Variants in MCM10 observed in about 807,000 individuals in gnomAD.
The protein encoded by MCM10 is minichromosome maintenance 10 replication initiation factor, also known as protein MCM10 homolog.
In MCM10, 91 loss-of-function variants were observed where a neutral mutation model predicts 109.9. That is an observed-to-expected ratio of 0.83 (90% CI 0.70 to 0.99). The LOEUF is 0.99. MCM10 is among the 50% of genes least tolerant of loss of function. MCM10 has a pLI of 0.00. For missense variants in MCM10, 1,077 were observed against 1,061.2 expected (o/e 1.01, Z -0.21); for synonymous variants, 380 against 387.2 (o/e 0.98, Z 0.22).
chr10:13,199,354 T>C (rs1010103231), intron 16 of MCM10, among the ~76,000 whole-genome samples: 4 of 152,256 alleles, frequency 2.6e-5, no homozygotes, highest in Non-Finnish European at 5.9e-5. Flanking sequence ...TAAATAGATA[T>C]CAATATTATA....
intron 6 of MCM10, among the ~76,000 whole-genome samples, chr10:13,176,093 C>A (rs1220588217): frequency 2.6e-5 from 4 of 152,060 alleles, no homozygotes; most frequent in African/African-American, 9.7e-5. Context: ...ATTGCTTTGG[C>A]TCTTCTGGGT....
intron 15 of MCM10, 121 bp downstream of exon 15, chr10:13,197,888 C>A: frequency 1.0e-6 from 1 of 963,046 alleles, no homozygotes; most frequent in Non-Finnish European, 1.5e-6. Flanking sequence ...ATATAGAATA[C>A]CTAAATAGAA....
In MCM10 at chr10:13,191,386, A is replaced by G. The variant is rs763295038; in HGVS notation, c.1503A>G (p.Thr501=). The G allele has an allele frequency of 6.2e-7, 1 of 1,613,956 alleles. No individual in the cohort carries two copies. Among genetic ancestry groups the G allele is most frequent in the Non-Finnish European group, 8.5e-7 (1 of 1,179,844 alleles). The change falls in exon 11 of 20, where the codon ACA becomes ACG. Residue 501 remains threonine, a synonymous_variant. Transcript: ENST00000378714. Reference sequence around the variant, plus strand: ...GCACAAACTTGATCATCCAGGAAACACGGCAAAAACTCGGTAACTTTGTTT... The same window carrying G: ...GCACAAACTTGATCATCCAGGAAACGCGGCAAAAACTCGGTAACTTTGTTT... ...VKGTNLIIQE[T]RQKLGIPQKS... is the part of the protein sequence containing the mutation.
At chr10:13,203,313 A>G (rs1193354094) in intron 17 of MCM10, among the ~76,000 whole-genome samples, 1 of 152,076 alleles carries the variant, frequency 6.6e-6, no homozygotes, top group Non-Finnish European at 1.5e-5. Context: ...TCCTCCATGC[A>G]GCCAGCGGCA....
chr10:13,170,915 C>A lies in MCM10; in HGVS notation c.8-7C>A, dbSNP rs116353713. On this transcript the variant is annotated splice_region_variant and splice_polypyrimidine_tract_variant and intron_variant, in intron 2 of 19. Transcript: ENST00000378714. The stretch of plus-strand genomic sequence containing the variant: ...TATTCTCTGTCCTTTCTCTTCTTTT[C>A]CCCTAGAGGAGGAAGACAATCTGTC... 14,015 of 1,608,108 alleles carry A rather than the reference C, an allele frequency of 8.7e-3. 303 individuals are homozygous for A. The highest frequency in any genetic ancestry group is 0.054 in the African/African-American group (4,019 of 74,784).
chr10:13,195,087 T>C lies in MCM10; in HGVS notation c.1792T>C (p.Ser598Pro). 1 of 1,614,162 alleles carries C rather than the reference T, an allele frequency of 6.2e-7. No individual in the cohort carries two copies. Among genetic ancestry groups the C allele is most frequent in the Non-Finnish European group, 8.5e-7 (1 of 1,180,020 alleles). Residue 598 changes from serine (S) to proline (P), a missense_variant, in exon 14 of 20, where the codon TCA becomes CCA. By Grantham distance (74) the Ser-to-Pro change is moderately conservative (BLOSUM62 -1). Transcript: ENST00000378714. The part of the protein sequence containing the change: ...SEVESPAVPS[S>P]SRQPPAQPPR... Reference sequence around the variant, plus strand: ...AGTTGAGAGCCCAGCTGTGCCATCTTCATCAAGACAGCCCCCTGCTCAGCC... The same window carrying C: ...AGTTGAGAGCCCAGCTGTGCCATCTCCATCAAGACAGCCCCCTGCTCAGCC...
Position 13,164,116 on chromosome 10 carries a change from G to T in MCM10, c.-75-12G>T. 1 of 1,168,532 alleles carries T rather than the reference G, an allele frequency of 8.6e-7. No individual in the cohort carries two copies. The allele number at this position is 1,168,532 out of a possible 1,614,324, so 72.4% of individuals were successfully genotyped here. A position where few individuals can be genotyped will look rare whatever the true frequency, so the allele number is the denominator to read the frequency against. On this transcript the variant is annotated splice_polypyrimidine_tract_variant and intron_variant, in intron 1 of 19. Coordinates refer to ENST00000378714, the MANE Select transcript of MCM10 (RefSeq NM_018518.5). Reference sequence around the variant, plus strand: ...AATTGAAAGTGACATTTCTAATATTGCTTTCACACAGCCAAGATTCTACAT... The same window carrying T: ...AATTGAAAGTGACATTTCTAATATTTCTTTCACACAGCCAAGATTCTACAT...
intron 17 of MCM10, among the ~76,000 whole-genome samples, chr10:13,202,094 C>T (rs1210230639): frequency 2.0e-5 from 3 of 152,214 alleles, no homozygotes; most frequent in Non-Finnish European, 2.9e-5. Flanking sequence ...TGTGATGGCT[C>T]ATGCCTGGAA....
At chr10:13,203,686 C>T (rs77944484) in intron 17 of MCM10, among the ~76,000 whole-genome samples, 3,178 of 152,270 alleles carry the variant, frequency 0.021, 60 homozygotes, top group South Asian at 0.081. Flanking sequence ...TCATTCTCCT[C>T]GGTCCTTCTG....
chr10:13,166,756 C>T (rs11594303), intron 2 of MCM10, among the ~76,000 whole-genome samples: 5,702 of 148,342 alleles, frequency 0.038, 147 homozygotes, highest in Non-Finnish European at 0.059. Context: ...GTGAAGTGGT[C>T]AGAGCCTGGG....
intron 2 of MCM10, among the ~76,000 whole-genome samples, chr10:13,165,876 A>G (rs1833990236): frequency 2.6e-5 from 1 of 38,040 alleles, no homozygotes; most frequent in South Asian, 9.2e-4. Flanking sequence ...ACTCCATCTG[A>G]AAAAAAAAAA....
chr10:13,174,946 T>G (rs1191051694), intron 5 of MCM10, among the ~76,000 whole-genome samples: 4 of 151,892 alleles, frequency 2.6e-5, no homozygotes, highest in African/African-American at 9.7e-5. Context: ...CTGACCAACA[T>G]GGAGAAACCC....
chr10:13,195,134 C>G lies in MCM10; in HGVS notation c.1839C>G (p.Phe613Leu), dbSNP rs1317676596. The change falls in exon 14 of 20, where the codon TTC becomes TTG. Residue 613 changes from phenylalanine (F) to leucine (L), a missense_variant. Physicochemically the swap from Phe to Leu is conservative, Grantham distance 22 (BLOSUM62 0). Coordinates refer to ENST00000378714, the MANE Select transcript of MCM10 (RefSeq NM_018518.5). ...PAQPPRTGSEFPRLEGAPATM... is the reference protein window; with the variant it reads ...PAQPPRTGSELPRLEGAPATM... Reference sequence around the variant, plus strand: ...AGCCTCCACGGACAGGATCCGAGTTCCCCAGGCTGGAGGGAGCCCCGGCCA... The same window carrying G: ...AGCCTCCACGGACAGGATCCGAGTTGCCCAGGCTGGAGGGAGCCCCGGCCA... 1 of 1,614,118 alleles carries G rather than the reference C, an allele frequency of 6.2e-7. No individual in the cohort carries two copies.
intron 18 of MCM10, among the ~76,000 whole-genome samples, chr10:13,205,475 A>G (rs1834567772): frequency 6.6e-6 from 1 of 152,104 alleles, no homozygotes; most frequent in African/African-American, 2.4e-5. Flanking sequence ...TATTTTGACT[A>G]TTACTGTGAT....
chr10:13,188,892 G>C lies in MCM10; in HGVS notation c.1227G>C (p.Glu409Asp), dbSNP rs759149501. The C allele has an allele frequency of 3.5e-5, 56 of 1,613,972 alleles. No individual in the cohort carries two copies. In the Admixed American group the frequency reaches 7.0e-4, roughly 20 times the overall value. The stretch of plus-strand genomic sequence containing the variant: ...TCTGCCTTTTGCAGCGTGACTGTGA[G>C]TACTGTCAGTACCATGTCCAGGCTC... ...CTQTVNLRDC[E>D]YCQYHVQAQY... is the part of the protein sequence containing the mutation. The change falls in exon 10 of 20, where the codon GAG becomes GAC. Residue 409 changes from glutamate (E) to aspartate (D), a missense_variant. Glu to Asp is a conservative substitution (Grantham distance 45). Transcript: ENST00000378714.
In MCM10 at chr10:13,195,219, G is replaced by A; in HGVS notation, c.1924G>A (p.Glu642Lys). ...AGGAGATGATGTTCTCTTTTATGAT[G>A]AGTCACCACCACCAAGACCAAAACT... ...LEGDDVLFYD[E>K]SPPPRPKLSA... Residue 642 changes from glutamate to lysine, a missense_variant, in exon 14 of 20, where the codon GAG becomes AAG. Glu to Lys is a moderately conservative substitution (Grantham distance 56). Transcript: ENST00000378714. 2.5e-6 allele frequency: 4 copies of A among 1,612,004 alleles called. No homozygotes were observed. Among genetic ancestry groups the A allele is most frequent in the Non-Finnish European group, 3.4e-6 (4 of 1,179,110 alleles).
chr10:13,190,646 A>G (rs1834335379), intron 10 of MCM10, among the ~76,000 whole-genome samples: 1 of 152,042 alleles, frequency 6.6e-6, no homozygotes, highest in Non-Finnish European at 1.5e-5. Flanking sequence ...GGATTGCTCC[A>G]CTGTACTCCA....
In MCM10 at chr10:13,186,229, C is replaced by T; in HGVS notation, c.1164C>T (p.Thr388=). The change falls in exon 9 of 20, where the codon ACC becomes ACT. Residue 388 remains threonine, a synonymous_variant. Transcript: ENST00000378714. ...LIMGEALDLG[T]CKAKKKNGEP... is the part of the protein sequence containing the mutation. ...TGGGTGAAGCTCTTGACCTGGGAAC[C>T]TGTAAAGCCAAGAAGAAGAATGGAG... 6.2e-7 allele frequency: 1 copy of T among 1,613,338 alleles called. No individual in the cohort carries two copies. The highest frequency in any genetic ancestry group is 8.5e-7 in the Non-Finnish European group (1 of 1,179,512).
intron 2 of MCM10, among the ~76,000 whole-genome samples, chr10:13,167,731 A>C (rs988885045): frequency 3.9e-5 from 6 of 152,230 alleles, no homozygotes; most frequent in African/African-American, 1.4e-4. Context: ...GTGATAAAGA[A>C]GACATCAGGA....
Sources: gnomAD v4.1 joint callset for allele counts (sites outside exome capture counted in the v4.1 genomes callset) on GRCh38, gnomAD v4.1.1 for gene constraint, MANE v1.5 for transcripts, NCBI Gene and HGNC (gene_info 2026-07-23, HGNC 2026-07-21) for gene names.